Variants in SERPINI1 observed in about 807,000 individuals in gnomAD.
The protein encoded by SERPINI1 is neuroserpin.
Under a neutral mutation model 41.1 loss-of-function variants are expected in SERPINI1, and 19 were observed. The ratio of observed to expected loss-of-function variants is 0.46; its 90% CI spans 0.32 to 0.68. SERPINI1 has a LOEUF of 0.68. Among genes scored for constraint, SERPINI1 ranks in the 30% least tolerant of loss-of-function variants. SERPINI1 has a pLI of 0.03. For synonymous variants in SERPINI1, 138 were observed against 156.6 expected (o/e 0.88, Z 0.89); for missense variants, 460 against 479.2 (o/e 0.96, Z 0.37).
At chr3:167,737,223 G>A (rs1186472161) in intron 1 of SERPINI1, among the ~76,000 whole-genome samples, 1 of 152,010 alleles carries the variant, frequency 6.6e-6, no homozygotes, top group Non-Finnish European at 1.5e-5. Context: ...ACTTTTCAGT[G>A]TGTATACTCT....
intron 1 of SERPINI1, among the ~76,000 whole-genome samples, chr3:167,737,337 A>G (rs1024843118): frequency 2.0e-5 from 3 of 152,146 alleles, no homozygotes; most frequent in Non-Finnish European, 4.4e-5. Flanking sequence ...AGTATCAAAA[A>G]CAGCAAAGAG....
At chr3:167,744,701 T>A (rs1257172445) in intron 1 of SERPINI1, among the ~76,000 whole-genome samples, 5 of 108,610 alleles carry the variant, frequency 4.6e-5, no homozygotes, top group African/African-American at 1.5e-4. Flanking sequence ...CATATATAAA[T>A]ATATATAAAA....
At chr3:167,746,115 CAG>C (rs1470525988) in intron 1 of SERPINI1, among the ~76,000 whole-genome samples, 1 of 152,090 alleles carries the variant, frequency 6.6e-6, no homozygotes. Flanking sequence ...GAACAGAATT[CAG>C]AGTCAGGAAA....
At chr3:167,766,518 G>T (rs1021186966) in intron 1 of SERPINI1, among the ~76,000 whole-genome samples, 1 of 152,210 alleles carries the variant, frequency 6.6e-6, no homozygotes, top group Non-Finnish European at 1.5e-5. Context: ...TGAGATTTGG[G>T]TGGGGACACA....
intron 1 of SERPINI1, among the ~76,000 whole-genome samples, chr3:167,786,406 G>A (rs535524371): frequency 3.9e-5 from 6 of 151,958 alleles, no homozygotes; most frequent in Admixed American, 2.0e-4. Flanking sequence ...TACTTGGGAG[G>A]CTGAGGCAGG....
intron 1 of SERPINI1, among the ~76,000 whole-genome samples, chr3:167,768,000 GC>G (rs1380790690): frequency 6.6e-6 from 1 of 152,212 alleles, no homozygotes; most frequent in African/African-American, 2.4e-5. Flanking sequence ...AGTTGATAAA[GC>G]AATGGTAGGG....
intron 1 of SERPINI1, among the ~76,000 whole-genome samples, chr3:167,781,058 T>A (rs1226885976): frequency 6.6e-6 from 1 of 150,872 alleles, no homozygotes; most frequent in Admixed American, 6.6e-5. Flanking sequence ...AATTACAGAT[T>A]TCTAAAATAC....
At position 167,789,063 on chromosome 3, in the gene SERPINI1, T is replaced by C. The variant is rs539412279; in HGVS notation, c.-18-48T>C. On this transcript the variant is annotated intron_variant, in intron 1 of 8. Coordinates refer to ENST00000446050, the MANE Select transcript of SERPINI1 (RefSeq NM_001122752.2). ...CCCAACATATCCTTCCATGAGACTT[T>C]TGTTATAGAGATAACTAATAATTAA... 16 of 1,575,026 alleles carry C rather than the reference T, an allele frequency of 1.0e-5. No homozygotes were observed. The African/African-American group carries it at 1.5e-4, about 15-fold the overall frequency.
chr3:167,793,108 G>A (rs879278821), intron 4 of SERPINI1, among the ~76,000 whole-genome samples: 1 of 152,124 alleles, frequency 6.6e-6, no homozygotes, highest in Admixed American at 6.5e-5. Flanking sequence ...TGAACCATAT[G>A]TTCCACGAAG....
chr3:167,786,225 G>T (rs543853460), intron 1 of SERPINI1, among the ~76,000 whole-genome samples: 1 of 152,152 alleles, frequency 6.6e-6, no homozygotes, highest in Non-Finnish European at 1.5e-5. Context: ...AAGATAGGCC[G>T]GGTGTGGTGG....
At chr3:167,792,087 T>C (rs548550840) in intron 3 of SERPINI1, among the ~76,000 whole-genome samples, 219 of 152,180 alleles carry the variant, frequency 1.4e-3, no homozygotes, top group African/African-American at 5.0e-3. Flanking sequence ...ATCATACCAT[T>C]GCACTCCAGC....
intron 6 of SERPINI1, among the ~76,000 whole-genome samples, chr3:167,808,409 C>T (rs1711735238): frequency 6.6e-6 from 1 of 151,568 alleles, no homozygotes; most frequent in African/African-American, 2.4e-5. Context: ...CAACAATGAA[C>T]TTAAGACTGA....
chr3:167,786,449 A>C (rs1293381401), intron 1 of SERPINI1, among the ~76,000 whole-genome samples: 1 of 145,156 alleles, frequency 6.9e-6, no homozygotes, highest in Non-Finnish European at 1.5e-5. Flanking sequence ...CGGAGGTTGC[A>C]GTGAGCCGAG....
intron 1 of SERPINI1, among the ~76,000 whole-genome samples, chr3:167,757,563 T>C (rs1436058154): frequency 6.6e-6 from 1 of 152,140 alleles, no homozygotes; most frequent in Non-Finnish European, 1.5e-5. Context: ...GATATAGTCA[T>C]TGAACTTGTA....
At chr3:167,759,400 G>GTGTATGTATATATATATATATATA (rs964402772) in intron 1 of SERPINI1, among the ~76,000 whole-genome samples, 4 of 121,164 alleles carry the variant, frequency 3.3e-5, no homozygotes, top group African/African-American at 1.2e-4. Context: ...AGAAAATGTG[G>GTGTATGTATATATATATATATATA]TATATATATA....
intron 1 of SERPINI1, among the ~76,000 whole-genome samples, chr3:167,750,951 A>G (rs980474066): frequency 2.6e-5 from 4 of 152,168 alleles, no homozygotes; most frequent in Non-Finnish European, 5.9e-5. Flanking sequence ...CTGCAATTAC[A>G]TATCTAAACC....
At chr3:167,750,599 T>C (rs1726011872) in intron 1 of SERPINI1, among the ~76,000 whole-genome samples, 1 of 152,194 alleles carries the variant, frequency 6.6e-6, no homozygotes, top group Non-Finnish European at 1.5e-5. Flanking sequence ...AGACTGAACT[T>C]TTTACTGTGA....
intron 6 of SERPINI1, among the ~76,000 whole-genome samples, chr3:167,816,361 C>G (rs1419880568): frequency 6.6e-6 from 1 of 152,166 alleles, no homozygotes; most frequent in Non-Finnish European, 1.5e-5. Context: ...CAAGAATAAA[C>G]TTTATAACCA....
chr3:167,799,469 T>A (rs979136738), intron 5 of SERPINI1, among the ~76,000 whole-genome samples: 1 of 152,226 alleles, frequency 6.6e-6, no homozygotes, highest in Non-Finnish European at 1.5e-5. Context: ...TGGTTCCAAG[T>A]CTTTGCTATT....
Sources: gnomAD v4.1 joint callset for allele counts (sites outside exome capture counted in the v4.1 genomes callset) on GRCh38, gnomAD v4.1.1 for gene constraint, MANE v1.5 for transcripts, NCBI Gene and HGNC (gene_info 2026-07-23, HGNC 2026-07-21) for gene names.